Variants in LDB2 observed in about 807,000 individuals in gnomAD.
The protein encoded by LDB2 is LIM domain binding 2, also known as LIM domain-binding protein 2.
A neutral mutation model predicts 44.3 loss-of-function variants in LDB2; 12 were observed. The ratio of observed to expected loss-of-function variants is 0.27; its 90% CI spans 0.17 to 0.44. The LOEUF (loss-of-function observed/expected upper bound fraction) is 0.44. Among genes scored for constraint, LDB2 ranks in the 20% least tolerant of loss-of-function variants. LDB2 has a pLI of 1.00. For synonymous variants in LDB2, 164 were observed against 174.8 expected (o/e 0.94, Z 0.49); for missense variants, 344 against 473.5 (o/e 0.73, Z 2.54).
chr4:16,738,361 GGAA>G (rs1403612878), intron 2 of LDB2, among the ~76,000 whole-genome samples: 1 of 152,054 alleles, frequency 6.6e-6, no homozygotes, highest in Non-Finnish European at 1.5e-5. Flanking sequence ...TTCTTTTATA[GGAA>G]GAAGAAGGAA....
At chr4:16,697,266 T>TACACAC (rs57040700) in intron 2 of LDB2, among the ~76,000 whole-genome samples, 4,732 of 130,696 alleles carry the variant, frequency 0.036, 241 homozygotes, top group Admixed American at 0.13. Context: ...CTACTAAAAA[T>TACACAC]ACACACACAC....
chr4:16,847,144 T>TA lies in LDB2; in HGVS notation c.132+51209dup, dbSNP rs536562602. Among the ~76,000 whole-genome samples, 17 of 152,326 alleles carry TA rather than the reference T, an allele frequency of 1.1e-4. No homozygotes were observed. In the East Asian group the frequency reaches 1.9e-3, roughly 17 times the overall value. ...CCCCGTAATTGTTTTTATGGCAAGA[T>TA]AAAAACATTTCTATATGTTGTAATA... On this transcript the variant is annotated intron_variant, in intron 1 of 7. Coordinates refer to ENST00000304523, the MANE Select transcript of LDB2 (RefSeq NM_001290.5).
intron 5 of LDB2, among the ~76,000 whole-genome samples, chr4:16,566,445 ATCAGTCAATGAATAGTGT>A (rs1440230624): frequency 1.3e-5 from 2 of 152,086 alleles, no homozygotes; most frequent in African/African-American, 4.8e-5. Flanking sequence ...AAAAGGACGT[ATCAGTCAATGAATAGTGT>A]TTGGGCAACT....
intron 1 of LDB2, among the ~76,000 whole-genome samples, chr4:16,824,427 C>T (rs1200971649): frequency 6.6e-6 from 1 of 152,206 alleles, no homozygotes; most frequent in East Asian, 1.9e-4. Flanking sequence ...GGCACGAATG[C>T]TTGTACAACC....
At position 16,860,206 on chromosome 4, in the gene LDB2, T is replaced by C. The variant is rs139548195; in HGVS notation, c.132+38148A>G. Among the ~76,000 whole-genome samples, 274 of 152,356 alleles carry C rather than the reference T, an allele frequency of 1.8e-3. 2 individuals carry two copies. Among genetic ancestry groups the C allele is most frequent in the Non-Finnish European group, 1.9e-3 (132 of 68,034 alleles). ...AAATAATGTTACCTGCCAGTCCCACTGGCTCTTTTCATAATGCGCAATTTA... is the reference window on the plus strand; with the variant it reads ...AAATAATGTTACCTGCCAGTCCCACCGGCTCTTTTCATAATGCGCAATTTA... On this transcript the variant is annotated intron_variant, in intron 1 of 7. Coordinates refer to ENST00000304523, the MANE Select transcript of LDB2 (RefSeq NM_001290.5).
At chr4:16,832,363 A>C (rs2110057338) in intron 1 of LDB2, among the ~76,000 whole-genome samples, 1 of 152,356 alleles carries the variant, frequency 6.6e-6, no homozygotes, top group East Asian at 1.9e-4. Context: ...TTTGACAAAT[A>C]GGAGAAAAGG....
At chr4:16,808,312 G>A (rs1265421457) in intron 1 of LDB2, among the ~76,000 whole-genome samples, 4 of 152,144 alleles carry the variant, frequency 2.6e-5, no homozygotes, top group Non-Finnish European at 5.9e-5. Flanking sequence ...GTTTCAGCAA[G>A]ACACAGACAT....
rs1734587059 is a variant in LDB2 at position 16,639,584 on chromosome 4, G to T, written c.236-43709C>A. Among the ~76,000 whole-genome samples, 5 of 152,220 alleles carry T rather than the reference G, an allele frequency of 3.3e-5. No homozygotes were observed. The South Asian group carries it at 1.0e-3, about 32-fold the overall frequency. On this transcript the variant is annotated intron_variant, in intron 2 of 7. Transcript: ENST00000304523. Reference sequence around the variant, plus strand: ...TCAAGCAACTCTATTGCCTCAGCCTGCCAAGTAGCTGGGATTAAAGGCATG... The same window carrying T: ...TCAAGCAACTCTATTGCCTCAGCCTTCCAAGTAGCTGGGATTAAAGGCATG...
chr4:16,791,827 C>T (rs1775825528), intron 1 of LDB2, among the ~76,000 whole-genome samples: 1 of 152,114 alleles, frequency 6.6e-6, no homozygotes, highest in South Asian at 2.1e-4. Context: ...AAATGTTTAC[C>T]TATAATCTCC....
intron 1 of LDB2, among the ~76,000 whole-genome samples, chr4:16,820,379 T>G (rs532475279): frequency 5.3e-5 from 8 of 152,268 alleles, no homozygotes; most frequent in African/African-American, 1.9e-4. Flanking sequence ...TCCCTGGAGT[T>G]TACAGCTTAG....
chr4:16,878,021 T>G (rs1386569939), intron 1 of LDB2, among the ~76,000 whole-genome samples: 1 of 152,038 alleles, frequency 6.6e-6, no homozygotes, highest in Non-Finnish European at 1.5e-5. Context: ...GAGAATAAAC[T>G]AAATCAATCT....
At chr4:16,794,971 G>A (rs1234780805) in intron 1 of LDB2, among the ~76,000 whole-genome samples, 4 of 152,294 alleles carry the variant, frequency 2.6e-5, no homozygotes, top group Non-Finnish European at 2.9e-5. Flanking sequence ...AACAGTGAGC[G>A]AAAATCCAGG....
chr4:16,648,139 T>G (rs1364419188), intron 2 of LDB2, among the ~76,000 whole-genome samples: 1 of 152,192 alleles, frequency 6.6e-6, no homozygotes, highest in East Asian at 1.9e-4. Flanking sequence ...TGATTTCAAT[T>G]GCTCTCCACA....
chr4:16,577,525 A>G (rs762600365), intron 5 of LDB2, among the ~76,000 whole-genome samples: 5 of 152,136 alleles, frequency 3.3e-5, no homozygotes, highest in African/African-American at 7.2e-5. Flanking sequence ...TAAGTGAAAG[A>G]TCTCTAAAAT....
intron 5 of LDB2, among the ~76,000 whole-genome samples, chr4:16,560,414 T>G (rs1184639074): frequency 6.6e-6 from 1 of 152,078 alleles, no homozygotes; most frequent in Non-Finnish European, 1.5e-5. Context: ...AAATACAAAC[T>G]ACCATCAGAG....
At chr4:16,856,459 A>T (rs759423408) in intron 1 of LDB2, among the ~76,000 whole-genome samples, 4 of 152,184 alleles carry the variant, frequency 2.6e-5, no homozygotes, top group Non-Finnish European at 5.9e-5. Flanking sequence ...TGTCCATTAC[A>T]GAGGTTAGCC....
intron 5 of LDB2, among the ~76,000 whole-genome samples, chr4:16,524,594 A>G (rs1348462647): frequency 1.3e-5 from 2 of 152,190 alleles, no homozygotes; most frequent in African/African-American, 4.8e-5. Context: ...GGTTAAATCA[A>G]AGCCTCACTT....
intron 2 of LDB2, among the ~76,000 whole-genome samples, chr4:16,738,009 A>G (rs778328725): frequency 1.3e-5 from 2 of 152,184 alleles, no homozygotes; most frequent in East Asian, 1.9e-4. Flanking sequence ...ATACCTGTCT[A>G]TAGGTGTTAT....
chr4:16,686,371 T>A (rs1749246799), intron 2 of LDB2, among the ~76,000 whole-genome samples: 1 of 152,238 alleles, frequency 6.6e-6, no homozygotes, highest in Non-Finnish European at 1.5e-5. Context: ...AAGTGGGTGG[T>A]ATTACTCTCA....
Sources: gnomAD v4.1 joint callset for allele counts (sites outside exome capture counted in the v4.1 genomes callset) on GRCh38, gnomAD v4.1.1 for gene constraint, MANE v1.5 for transcripts, NCBI Gene and HGNC (gene_info 2026-07-23, HGNC 2026-07-21) for gene names.